The following ATP11A variants were observed in gnomAD, a reference collection of about 807,000 sequenced individuals.
ATP11A encodes the protein phospholipid-transporting ATPase IH.
In ATP11A, 81 loss-of-function variants were observed where a neutral mutation model predicts 154.4. The ratio of observed to expected loss-of-function variants is 0.52; its 90% CI spans 0.44 to 0.63. The LOEUF is 0.63. Ranked by LOEUF, ATP11A falls within the 30% of genes least tolerant of loss-of-function variation. ATP11A has a pLI of 0.00. For synonymous variants in ATP11A, 623 were observed against 585.9 expected (o/e 1.06, Z -0.91); for missense variants, 1,316 against 1,474.3 (o/e 0.89, Z 1.76).
At chr13:112,741,619 C>G (rs1294897590) in intron 1 of ATP11A, among the ~76,000 whole-genome samples, 1 of 152,164 alleles carries the variant, frequency 6.6e-6, no homozygotes, top group African/African-American at 2.4e-5. Flanking sequence ...CGTCCCTGTG[C>G]TGATCTGGGA....
intron 17 of ATP11A, among the ~76,000 whole-genome samples, chr13:112,844,746 C>T (rs2079526881): frequency 8.5e-6 from 1 of 116,998 alleles, no homozygotes; most frequent in Non-Finnish European, 1.8e-5. Context: ...TCTAGCGGTA[C>T]TAGTCCAAGT....
intron 1 of ATP11A, among the ~76,000 whole-genome samples, chr13:112,772,553 C>G (rs1481552332): frequency 1.2e-5 from 1 of 81,372 alleles, no homozygotes; most frequent in Non-Finnish European, 3.5e-5. Flanking sequence ...ACCCCATGCC[C>G]AGTACCAGGC....
chr13:112,754,927 G>A lies in ATP11A; in HGVS notation c.40-30208G>A, dbSNP rs1481147623. 6.6e-6 allele frequency among the ~76,000 whole-genome samples: 1 copy of A among 152,210 alleles called. No individual in the cohort carries two copies. Among genetic ancestry groups the A allele is most frequent in the Non-Finnish European group, 1.5e-5 (1 of 68,026 alleles). The stretch of plus-strand genomic sequence containing the variant: ...CACCCTGCACTTGCCCCTCCCGAGC[G>A]CGTGTGCCTGACCTGCTCCGCGGTG... On this transcript the variant is annotated intron_variant, in intron 1 of 29. Transcript: ENST00000375645. This position sits in a 1 kb window ranked among gnomAD's most constrained non-coding sequence, Gnocchi z 5.3.
intron 6 of ATP11A, among the ~76,000 whole-genome samples, chr13:112,816,893 A>C (rs1331931750): frequency 6.6e-6 from 1 of 152,252 alleles, no homozygotes; most frequent in African/African-American, 2.4e-5. Flanking sequence ...TCATTTTATT[A>C]GTTAAAATTA....
At chr13:112,782,805 G>A (rs773828745) in intron 1 of ATP11A, among the ~76,000 whole-genome samples, 13 of 152,232 alleles carry the variant, frequency 8.5e-5, no homozygotes, top group South Asian at 2.1e-4. Flanking sequence ...CAGCAGGCTC[G>A]CGGGGAGGCC....
chr13:112,703,934 T>A (rs984565523), intron 1 of ATP11A, among the ~76,000 whole-genome samples: 29 of 152,222 alleles, frequency 1.9e-4, no homozygotes, highest in African/African-American at 7.0e-4. Context: ...TGGATCATGA[T>A]CTGGTTCTTC....
In ATP11A at chr13:112,856,600, G is replaced by A. The variant is rs146479121; in HGVS notation, c.2418+515G>A. On this transcript the variant is annotated intron_variant, in intron 20 of 29. Coordinates refer to ENST00000375645, the MANE Select transcript of ATP11A (RefSeq NM_015205.3). ...GTCCATCAAACTCCAAACGTCTCAC[G>A]CGGCCATGTTCTTGTGGGAAACGCA... 355 of 152,548 alleles carry A rather than the reference G, an allele frequency of 2.3e-3. 2 individuals carry two copies. The highest frequency in any genetic ancestry group is 4.4e-3 in the African/African-American group (184 of 41,554). The allele number at this position is 152,548 out of a possible 1,614,324, so 9.4% of individuals were successfully genotyped here.
Position 112,859,555 on chromosome 13 carries a change from C to T in ATP11A, c.2727+103C>T, listed in dbSNP as rs60440269. ...GGAGACTTGGGAATGAGCAGCACTC[C>T]CCGGCACCACGAGGGAGCCAGGGTG... is the stretch of plus-strand genomic sequence containing the variant. On this transcript the variant is annotated intron_variant, in intron 23 of 29. Coordinates refer to ENST00000375645, the MANE Select transcript of ATP11A (RefSeq NM_015205.3). This position sits in a 1 kb window ranked among gnomAD's most constrained non-coding sequence, Gnocchi z 4.3. 3.6e-3 allele frequency: 3,611 copies of T among 1,010,828 alleles called. 92 individuals are homozygous for T. The African/African-American group carries it at 0.051, about 14-fold the overall frequency. The allele number at this position is 1,010,828 out of a possible 1,614,324, so 62.6% of individuals were successfully genotyped here. A position where few individuals can be genotyped will look rare whatever the true frequency, so the allele number is the denominator to read the frequency against.
rs751348934 is a variant in ATP11A, at chr13:112,858,179, G to A, written c.2556G>A (p.Arg852=). ...GCAAGGAAGGCCGCCAGGCTGCCAG[G>A]AACAGCGACTATGCAATCCCAAAGT... ...VIGKEGRQAA[R]NSDYAIPKFK... Residue 852 remains arginine (R), a synonymous_variant, in exon 22 of 30, where the codon AGG becomes AGA. Coordinates refer to ENST00000375645, the MANE Select transcript of ATP11A (RefSeq NM_015205.3). 2 of 1,613,924 alleles carry A rather than the reference G, an allele frequency of 1.2e-6. No homozygotes were observed. Among genetic ancestry groups the A allele is most frequent in the South Asian group, 2.2e-5 (2 of 91,084 alleles).
In ATP11A at chr13:112,832,938, C is replaced by G. The variant is rs776379520; in HGVS notation, c.1474C>G (p.Pro492Ala). The G allele has an allele frequency of 6.2e-7, 1 of 1,614,030 alleles. No individual in the cohort carries two copies. The highest frequency in any genetic ancestry group is 1.1e-5 in the South Asian group (1 of 91,076). The change falls in exon 14 of 30, where the codon CCC (proline) becomes GCC (alanine). Residue 492 changes from proline (P) to alanine (A), a missense_variant. Pro to Ala is a conservative substitution (Grantham distance 27, BLOSUM62 -1). Around this residue, in one of 5 missense-constraint regions of ATP11A, gnomAD observed 876 missense variants for 1,006.8 expected, o/e 0.87. Coordinates refer to ENST00000375645, the MANE Select transcript of ATP11A (RefSeq NM_015205.3). ...GAAAGACGATGACAGCGTAGACGGC[C>G]CCAGGAAATCGCCGGACGGGGGGAA... is the stretch of plus-strand genomic sequence containing the variant. The part of the protein sequence containing the change: ...QVKDDDSVDG[P>A]RKSPDGGKSC...
intron 1 of ATP11A, among the ~76,000 whole-genome samples, chr13:112,782,511 A>C (rs1400018329): frequency 6.6e-6 from 1 of 152,216 alleles, no homozygotes; most frequent in Non-Finnish European, 1.5e-5. Flanking sequence ...CTATTTGGCT[A>C]TGTTCTGTGA....
chr13:112,799,595 A>G (rs981662486), intron 2 of ATP11A, among the ~76,000 whole-genome samples: 3 of 152,194 alleles, frequency 2.0e-5, no homozygotes, highest in Admixed American at 1.3e-4. Context: ...GGCAGGAACA[A>G]ATCACAAAGG....
chr13:112,793,892 AAC>A (rs2077928372), intron 2 of ATP11A, among the ~76,000 whole-genome samples: 2 of 152,246 alleles, frequency 1.3e-5, no homozygotes. Context: ...GCTGGCAAGT[AAC>A]ACAAAACAGA....
chr13:112,803,835 CCTCCTTCCT>C (rs1159407472), intron 2 of ATP11A, among the ~76,000 whole-genome samples: 2 of 90,594 alleles, frequency 2.2e-5, no homozygotes, highest in Non-Finnish European at 4.7e-5. Context: ...TTCCCCTCCT[CCTCCTTCCT>C]CTCCTTCCCC....
chr13:112,796,887 C>T (rs192114605), intron 2 of ATP11A, among the ~76,000 whole-genome samples: 1 of 152,036 alleles, frequency 6.6e-6, no homozygotes, highest in Non-Finnish European at 1.5e-5. Flanking sequence ...GACCTTGAGA[C>T]ATGTCCATAG....
chr13:112,857,191 C>G (rs759741019), intron 20 of ATP11A, among the ~76,000 whole-genome samples: 1 of 152,180 alleles, frequency 6.6e-6, no homozygotes, highest in African/African-American at 2.4e-5. Flanking sequence ...ACGTTTCCCC[C>G]CATCTCTTCA....
chr13:112,817,297 T>C (rs1310972659), intron 6 of ATP11A, among the ~76,000 whole-genome samples: 1 of 152,244 alleles, frequency 6.6e-6, no homozygotes, highest in Non-Finnish European at 1.5e-5. Context: ...ACATTTTCTT[T>C]ACAAAATCAC....
At chr13:112,854,586 C>T in intron 19 of ATP11A, 56 bp downstream of exon 19, 2 of 1,557,778 alleles carry the variant, frequency 1.3e-6, no homozygotes, top group Non-Finnish European at 1.7e-6. Flanking sequence ...GGCTTCAGAC[C>T]CAGTGGCCTT....
rs1233991016 is a variant in ATP11A at position 112,819,424 on chromosome 13, G to A, written c.674+17G>A. The A allele has an allele frequency of 1.2e-6, 2 of 1,613,278 alleles. No homozygotes were observed. The highest frequency in any genetic ancestry group is 1.7e-6 in the Non-Finnish European group (2 of 1,179,290). On this transcript the variant is annotated intron_variant, in intron 7 of 29. Coordinates refer to ENST00000375645, the MANE Select transcript of ATP11A (RefSeq NM_015205.3). ...CCTCTACAAGTAAGCGGGAGCTTTG[G>A]GTTCTTTAGAAACGGTTTTTTATGC...
Sources: gnomAD v4.1 joint callset for allele counts (sites outside exome capture counted in the v4.1 genomes callset) on GRCh38, gnomAD v4.1.1 for gene constraint, gnomAD v4.1.1 regional missense constraint, Gnocchi (gnomAD v3.1) non-coding constraint, MANE v1.5 for transcripts, NCBI Gene and HGNC (gene_info 2026-07-23, HGNC 2026-07-21) for gene names.